The following CPQ variants were observed in gnomAD, a reference collection of about 807,000 sequenced individuals.
The protein encoded by CPQ is carboxypeptidase Q.
In CPQ, 37 loss-of-function variants were observed where a neutral mutation model predicts 45.7. That is an observed-to-expected ratio of 0.81 (90% confidence interval 0.62 to 1.07). CPQ has a LOEUF of 1.07. CPQ is among the 50% of genes least tolerant of loss of function. CPQ has a pLI of 0.00. For synonymous variants in CPQ, 186 were observed against 205.8 expected, an observed-to-expected ratio of 0.90 and a Z score of 0.82; for missense variants, 537 against 572.9, an observed-to-expected ratio of 0.94 and a Z score of 0.64.
At chr8:97,111,807 A>G (rs1811502108) in intron 7 of CPQ, among the ~76,000 whole-genome samples, 1 of 152,228 alleles carries the variant, frequency 6.6e-6, no homozygotes, top group South Asian at 2.1e-4. Flanking sequence ...GAACAAAACA[A>G]GAGGAGTCTA....
At chr8:97,086,013 T>C (rs1187631701) in intron 7 of CPQ, among the ~76,000 whole-genome samples, 1 of 152,194 alleles carries the variant, frequency 6.6e-6, no homozygotes, top group African/African-American at 2.4e-5. Context: ...TAGGCTACCA[T>C]GTCCTTCAAA....
At chr8:97,078,990 G>A (rs1810902749) in intron 7 of CPQ, among the ~76,000 whole-genome samples, 1 of 152,008 alleles carries the variant, frequency 6.6e-6, no homozygotes, top group Non-Finnish European at 1.5e-5. Context: ...TATTTTTAGA[G>A]ATGAGGTCTC....
chr8:96,769,407 G>A (rs890153600), intron 1 of CPQ, among the ~76,000 whole-genome samples: 10 of 152,058 alleles, frequency 6.6e-5, no homozygotes, highest in Non-Finnish European at 1.5e-5. Flanking sequence ...GATTGCATGT[G>A]CTTAGTTATA....
intron 6 of CPQ, among the ~76,000 whole-genome samples, chr8:97,044,582 T>C (rs1810198717): frequency 6.6e-6 from 1 of 152,220 alleles, no homozygotes; most frequent in Admixed American, 6.5e-5. Flanking sequence ...GTTTCCAGTT[T>C]TTCTGCTCTG....
chr8:97,129,560 G>A (rs1247362662), intron 7 of CPQ, among the ~76,000 whole-genome samples: 10 of 152,022 alleles, frequency 6.6e-5, no homozygotes, highest in Non-Finnish European at 1.5e-5. Flanking sequence ...ATTAAACCAT[G>A]TATCATTTAC....
At chr8:96,674,036 A>C (rs775406595) in intron 1 of CPQ, among the ~76,000 whole-genome samples, 3 of 152,150 alleles carry the variant, frequency 2.0e-5, no homozygotes, top group Admixed American at 6.6e-5. Flanking sequence ...CTAAAAAGTA[A>C]TTGTTCAACT....
At chr8:96,918,478 C>T (rs1465143821) in intron 4 of CPQ, among the ~76,000 whole-genome samples, 2 of 152,072 alleles carry the variant, frequency 1.3e-5, no homozygotes, top group African/African-American at 4.8e-5. Flanking sequence ...CCCTATAAGA[C>T]TTTTCCCACA....
chr8:96,844,043 A>G (rs1030563499), intron 3 of CPQ, among the ~76,000 whole-genome samples: 4 of 152,240 alleles, frequency 2.6e-5, no homozygotes, highest in Admixed American at 2.0e-4. Context: ...TCTGTTTTTC[A>G]GCTTTTTTAT....
intron 7 of CPQ, among the ~76,000 whole-genome samples, chr8:97,130,181 C>T (rs913531033): frequency 6.6e-6 from 1 of 152,166 alleles, no homozygotes; most frequent in African/African-American, 2.4e-5. Context: ...TAAAGGACAG[C>T]ACGCTTTCCT....
chr8:97,051,941 C>T (rs1404716272), intron 6 of CPQ, among the ~76,000 whole-genome samples: 1 of 152,146 alleles, frequency 6.6e-6, no homozygotes, highest in African/African-American at 2.4e-5. Flanking sequence ...CCTTTAAACA[C>T]CAATGATGCC....
chr8:96,793,694 G>A lies in CPQ; in HGVS notation c.433+8364G>A, dbSNP rs148585017. On this transcript the variant is annotated intron_variant, in intron 2 of 7. Coordinates refer to ENST00000220763, the MANE Select transcript of CPQ (RefSeq NM_016134.4). ...AAGTCCACAGTCCAAAGTCTCATCC[G>A]AGACAAGGCAAGTCCTGTCCACTTA... 1.6e-4 allele frequency among the ~76,000 whole-genome samples: 24 copies of A among 152,250 alleles called. No individual in the cohort carries two copies. The East Asian group carries it at 3.3e-3, about 21-fold the overall frequency.
At chr8:97,032,419 C>G (rs951732935) in intron 6 of CPQ, among the ~76,000 whole-genome samples, 2 of 152,324 alleles carry the variant, frequency 1.3e-5, no homozygotes, top group Non-Finnish European at 2.9e-5. Flanking sequence ...TACTCACACT[C>G]CATTGGCAAG....
chr8:97,139,365 TA>T (rs1299597012), intron 7 of CPQ, among the ~76,000 whole-genome samples: 1 of 152,070 alleles, frequency 6.6e-6, no homozygotes, highest in Non-Finnish European at 1.5e-5. Flanking sequence ...AAATAGACAA[TA>T]AATCAGTAAG....
intron 1 of CPQ, among the ~76,000 whole-genome samples, chr8:96,671,467 T>C (rs1250967673): frequency 1.3e-5 from 2 of 152,214 alleles, no homozygotes; most frequent in African/African-American, 2.4e-5. Context: ...TTGCCAAGAA[T>C]ATCCTCTCAG....
chr8:97,042,902 C>T (rs1268538450), intron 6 of CPQ, among the ~76,000 whole-genome samples: 1 of 152,086 alleles, frequency 6.6e-6, no homozygotes. Context: ...AGCTTTACTT[C>T]CAACTATGTG....
chr8:96,670,181 A>G (rs1808982017), intron 1 of CPQ, among the ~76,000 whole-genome samples: 1 of 152,214 alleles, frequency 6.6e-6, no homozygotes, highest in African/African-American at 2.4e-5. Context: ...AACAAAAAGT[A>G]CAAACATATC....
At position 97,035,418 on chromosome 8, in the gene CPQ, T is replaced by C. The variant is rs146009266; in HGVS notation, c.1053+5924T>C. Among the ~76,000 whole-genome samples, 985 of 152,334 alleles carry C rather than the reference T, an allele frequency of 6.5e-3. 4 individuals carry two copies. Among genetic ancestry groups the C allele is most frequent in the African/African-American group, 0.021 (893 of 41,594 alleles). ...AATTGCTGGGTCATATGATAGGTGA[T>C]GTTTAACTTTACCAGAAACTGCTGA... On this transcript the variant is annotated intron_variant, in intron 6 of 7. Coordinates refer to ENST00000220763, the MANE Select transcript of CPQ (RefSeq NM_016134.4).
chr8:96,915,130 C>T (rs570993784), intron 4 of CPQ, among the ~76,000 whole-genome samples: 1 of 152,290 alleles, frequency 6.6e-6, no homozygotes, highest in Admixed American at 6.5e-5. Context: ...GTTGAGCACT[C>T]CTTGACACTG....
At chr8:96,671,915 T>G (rs1381862862) in intron 1 of CPQ, among the ~76,000 whole-genome samples, 2 of 152,104 alleles carry the variant, frequency 1.3e-5, no homozygotes, top group African/African-American at 2.4e-5. Context: ...TTAGCTTGAG[T>G]GATAGTTCAT....
Sources: gnomAD v4.1 joint callset for allele counts (sites outside exome capture counted in the v4.1 genomes callset) on GRCh38, gnomAD v4.1.1 for gene constraint, MANE v1.5 for transcripts, NCBI Gene and HGNC (gene_info 2026-07-23, HGNC 2026-07-21) for gene names.